The following SYN2 variants were observed in gnomAD, a reference collection of about 807,000 sequenced individuals.
SYN2 encodes synapsin II, also known as synapsin-2.
In SYN2, 19 loss-of-function variants were observed where a neutral mutation model predicts 50.9. The observed-to-expected ratio is 0.37, with a 90% CI of 0.26 to 0.55. SYN2 has a LOEUF of 0.55. Ranked by LOEUF, SYN2 falls within the 20% of genes least tolerant of loss-of-function variation. SYN2 has a pLI of 0.81. For missense variants in SYN2, 587 were observed against 576.4 expected, an observed-to-expected ratio of 1.02 and a Z score of -0.19; for synonymous variants, 255 against 224.9, an observed-to-expected ratio of 1.13 and a Z score of -1.20.
At chr3:12,098,997 C>G (rs1696010563) in intron 1 of SYN2, among the ~76,000 whole-genome samples, 1 of 151,772 alleles carries the variant, frequency 6.6e-6, no homozygotes, top group Non-Finnish European at 1.5e-5. Context: ...GATAAAAGAT[C>G]ACTCTATCAA....
chr3:12,110,907 A>G (rs112191675), intron 1 of SYN2, among the ~76,000 whole-genome samples: 58 of 152,356 alleles, frequency 3.8e-4, no homozygotes, highest in African/African-American at 1.4e-3. Context: ...GCTCCTAGCC[A>G]GAAGGGACTT....
At chr3:12,185,917 C>A (rs1441539974) in intron 11 of SYN2, among the ~76,000 whole-genome samples, 1 of 152,226 alleles carries the variant, frequency 6.6e-6, no homozygotes, top group Non-Finnish European at 1.5e-5. Flanking sequence ...AATCTATCAT[C>A]TTCACTAGTT....
intron 1 of SYN2, among the ~76,000 whole-genome samples, chr3:12,005,809 G>GT (rs1693790970): frequency 6.6e-6 from 1 of 151,888 alleles, no homozygotes; most frequent in East Asian, 1.9e-4. Flanking sequence ...ACTTAGAATG[G>GT]TGAAGGCTGC....
intron 1 of SYN2, among the ~76,000 whole-genome samples, chr3:12,133,382 A>G: frequency 6.6e-6 from 1 of 152,216 alleles, no homozygotes; most frequent in Non-Finnish European, 1.5e-5. Flanking sequence ...TCCAAATTTG[A>G]GTTGAGAACC....
intron 1 of SYN2, among the ~76,000 whole-genome samples, chr3:12,075,905 A>G (rs1232295193): frequency 1.3e-5 from 2 of 152,190 alleles, no homozygotes; most frequent in African/African-American, 4.8e-5. Context: ...TTACCAGCCA[A>G]TATTCCTTGA....
chr3:12,099,975 G>GAAAAAAAAAAAAAAAAAAAA (rs376887129), intron 1 of SYN2, among the ~76,000 whole-genome samples: 2 of 120,196 alleles, frequency 1.7e-5, no homozygotes, highest in African/African-American at 3.2e-5. Context: ...AAAAAAAAAA[G>GAAAAAAAAAAAAAAAAAAAA]AAAAAAAAAA....
intron 1 of SYN2, among the ~76,000 whole-genome samples, chr3:12,098,128 TA>T (rs1695982739): frequency 6.6e-6 from 1 of 152,162 alleles, no homozygotes; most frequent in South Asian, 2.1e-4. Context: ...GTCTTGAAAG[TA>T]GCAAAAGAGA....
At chr3:12,035,991 G>T (rs1261820952) in intron 1 of SYN2, among the ~76,000 whole-genome samples, 1 of 152,156 alleles carries the variant, frequency 6.6e-6, no homozygotes, top group Admixed American at 6.5e-5. Context: ...TAACTTCCTT[G>T]CTATTGTTTT....
chr3:12,139,376 C>G (rs187695992), intron 1 of SYN2, among the ~76,000 whole-genome samples: 2 of 152,096 alleles, frequency 1.3e-5, no homozygotes, highest in African/African-American at 2.4e-5. Context: ...AGGGCAAGTC[C>G]GTTTTTGTAG....
intron 1 of SYN2, among the ~76,000 whole-genome samples, chr3:12,062,508 C>T (rs553891869): frequency 7.2e-4 from 110 of 152,026 alleles, no homozygotes; most frequent in Non-Finnish European, 1.3e-3. Flanking sequence ...ATAAGTTGGA[C>T]TTTATTAAAG....
Position 12,084,990 on chromosome 3 carries a change from TTAAC to T in SYN2, c.378-55658_378-55655del, listed in dbSNP as rs773103170. On this transcript the variant is annotated intron_variant, in intron 1 of 12. Transcript: ENST00000621198. The stretch of plus-strand genomic sequence containing the variant: ...AAAAGAGGAACAAAGGGTCTACAAA[TTAAC>T]TAGGAAAAAAAAAATCAGCAAATTG... Among the ~76,000 whole-genome samples the T allele has an allele frequency of 1.5e-3, 87 of 59,084 alleles. 1 individual carries two copies. The highest frequency in any genetic ancestry group is 0.022 in the Middle Eastern group (2 of 92). 38.8% of individuals were successfully genotyped at this position (59,084 alleles called of 152,430 possible).
At chr3:12,102,998 T>G (rs1206044020) in intron 1 of SYN2, among the ~76,000 whole-genome samples, 6 of 152,136 alleles carry the variant, frequency 3.9e-5, no homozygotes, top group Non-Finnish European at 7.4e-5. Context: ...TATTTAGAAT[T>G]TACAGTGTGC....
chr3:12,136,626 C>G (rs893363240), intron 1 of SYN2, among the ~76,000 whole-genome samples: 1 of 152,204 alleles, frequency 6.6e-6, no homozygotes, highest in East Asian at 1.9e-4. Flanking sequence ...CTCAGCCTCA[C>G]AAGCCCTAGT....
intron 1 of SYN2, among the ~76,000 whole-genome samples, chr3:12,074,752 G>A (rs978623997): frequency 2.6e-5 from 4 of 152,082 alleles, no homozygotes; most frequent in East Asian, 1.9e-4. Context: ...ATCTAAGTCA[G>A]GCTAACCCCT....
intron 1 of SYN2, among the ~76,000 whole-genome samples, chr3:12,083,866 A>G (rs1695633148): frequency 6.6e-6 from 1 of 152,192 alleles, no homozygotes; most frequent in East Asian, 1.9e-4. Context: ...TCAATCCCAT[A>G]TGCTGCCAGC....
chr3:12,169,344 CAG>C (rs1697882981), intron 9 of SYN2, among the ~76,000 whole-genome samples: 1 of 152,140 alleles, frequency 6.6e-6, no homozygotes, highest in Admixed American at 6.5e-5. Flanking sequence ...TGCTTGGAGA[CAG>C]AGATTCTGTG....
At chr3:12,126,930 A>G (rs1168635799) in intron 1 of SYN2, among the ~76,000 whole-genome samples, 4 of 152,180 alleles carry the variant, frequency 2.6e-5, no homozygotes, top group African/African-American at 9.7e-5. Context: ...GTTTTAGAGC[A>G]GGGTAAAGTC....
intron 1 of SYN2, among the ~76,000 whole-genome samples, chr3:12,051,686 G>A (rs1694868482): frequency 6.6e-6 from 1 of 152,160 alleles, no homozygotes. Flanking sequence ...CTTATTTCTG[G>A]ATCAGCCCAC....
intron 1 of SYN2, among the ~76,000 whole-genome samples, chr3:12,103,316 G>A (rs1486480887): frequency 6.6e-6 from 1 of 152,136 alleles, no homozygotes; most frequent in Admixed American, 6.6e-5. Flanking sequence ...AATCTAAGAT[G>A]TAAAAAAGAA....
Sources: gnomAD v4.1 joint callset for allele counts (sites outside exome capture counted in the v4.1 genomes callset) on GRCh38, gnomAD v4.1.1 for gene constraint, MANE v1.5 for transcripts, NCBI Gene and HGNC (gene_info 2026-07-23, HGNC 2026-07-21) for gene names.